The following NEDD4L variants were observed in gnomAD, a reference collection of about 807,000 sequenced individuals.
NEDD4L encodes the protein E3 ubiquitin-protein ligase NEDD4-like.
A neutral mutation model predicts 148.9 loss-of-function variants in NEDD4L; 54 were observed. The ratio of observed to expected loss-of-function variants is 0.36; its 90% confidence interval spans 0.29 to 0.45. NEDD4L has a LOEUF of 0.45. NEDD4L is among the 20% of genes least tolerant of loss of function. The pLI, the probability that NEDD4L is intolerant of heterozygous loss-of-function variation, is 1.00. For synonymous variants in NEDD4L, 433 were observed against 440.7 expected (o/e 0.98, Z 0.22); for missense variants, 856 against 1,233.8 (o/e 0.69, Z 4.59).
chr18:58,395,948 G>T (rs1280653819), intron 30 of NEDD4L, among the ~76,000 whole-genome samples: 4 of 152,086 alleles, frequency 2.6e-5, no homozygotes, highest in Non-Finnish European at 4.4e-5. Flanking sequence ...TATAGCAAAG[G>T]TTTCATGGAC....
chr18:58,203,794 A>T (rs1251592256), intron 2 of NEDD4L, among the ~76,000 whole-genome samples: 1 of 152,104 alleles, frequency 6.6e-6, no homozygotes, highest in Non-Finnish European at 1.5e-5. Context: ...GTCTGAGAAG[A>T]CTAGTGAATC....
Position 58,151,623 on chromosome 18 carries a change from A to ATGTGTGTGTGTGTGTGTG in NEDD4L, c.49-14164_49-14163insGTGTGTGTGTGTGTGTGT, listed in dbSNP as rs1491376739. On this transcript the variant is annotated intron_variant, in intron 1 of 30. Transcript: ENST00000400345. ...GTGAAGATGAGGTAGCTGTGCCTGG[A>ATGTGTGTGTGTGTGTGTG]TATGTGTGTGTGTGTGTGTGTGTGT... Among the ~76,000 whole-genome samples, 58 of 56,654 alleles carry ATGTGTGTGTGTGTGTGTG rather than the reference A, an allele frequency of 1.0e-3. No homozygotes were observed. In the East Asian group the frequency reaches 0.014, roughly 13 times the overall value. The allele number at this position is 56,654 out of a possible 152,430, so 37.2% of individuals were successfully genotyped here. A position where few individuals can be genotyped will look rare whatever the true frequency, so the allele number is the denominator to read the frequency against.
At chr18:58,252,738 TAGAG>T (rs894395299) in intron 5 of NEDD4L, among the ~76,000 whole-genome samples, 1 of 152,178 alleles carries the variant, frequency 6.6e-6, no homozygotes, top group Non-Finnish European at 1.5e-5. Context: ...TAATTTTTTT[TAGAG>T]AGAGGGTCTC....
intron 6 of NEDD4L, among the ~76,000 whole-genome samples, chr18:58,318,993 G>A (rs1396569743): frequency 1.3e-5 from 2 of 152,220 alleles, no homozygotes; most frequent in Admixed American, 6.5e-5. Context: ...CATTTTCAGG[G>A]TGGTGGTATT....
At position 58,130,679 on chromosome 18, in the gene NEDD4L, G is replaced by A. The variant is rs548904693; in HGVS notation, c.49-35109G>A. ...GACTGTGATCTAGCAGAACAGTGGC[G>A]GTGTTGGGCTCTGTTGGGGTTTGGC... On this transcript the variant is annotated intron_variant, in intron 1 of 30. Transcript: ENST00000400345. Among the ~76,000 whole-genome samples the A allele has an allele frequency of 2.6e-3, 335 of 130,062 alleles. 4 individuals are homozygous for A. The highest frequency in any genetic ancestry group is 0.017 in the Admixed American group (228 of 13,042). The allele number at this position is 130,062 out of a possible 152,430, so 85.3% of individuals were successfully genotyped here. A position where few individuals can be genotyped will look rare whatever the true frequency, so the allele number is the denominator to read the frequency against.
chr18:58,377,514 GA>G (rs1379610364), intron 24 of NEDD4L, among the ~76,000 whole-genome samples: 5 of 152,106 alleles, frequency 3.3e-5, no homozygotes, highest in Admixed American at 3.3e-4. Context: ...TGATTGGTAA[GA>G]ATCTGGGGCT....
chr18:58,183,941 G>A (rs993459433), intron 2 of NEDD4L, among the ~76,000 whole-genome samples: 1 of 152,046 alleles, frequency 6.6e-6, no homozygotes, highest in East Asian at 1.9e-4. Context: ...AGGCCAAGGC[G>A]GGCGGATCAT....
At chr18:58,086,362 C>T (rs7240482) in intron 1 of NEDD4L, among the ~76,000 whole-genome samples, 3,338 of 152,226 alleles carry the variant, frequency 0.022, 110 homozygotes, top group African/African-American at 0.076. Context: ...AGTAGTGGTT[C>T]CCTGCAGGGT....
intron 2 of NEDD4L, chr18:58,189,894 A>G (rs1311198408): frequency 6.6e-6 from 1 of 152,114 alleles, no homozygotes; most frequent in Non-Finnish European, 1.5e-5. Context: ...TCATATCTTT[A>G]TTGAATAAGA....
intron 24 of NEDD4L, among the ~76,000 whole-genome samples, chr18:58,378,029 G>A (rs1260438256): frequency 1.3e-5 from 2 of 152,212 alleles, no homozygotes; most frequent in Non-Finnish European, 2.9e-5. Context: ...ACAGGTGTGA[G>A]CCACCGTGCT....
At chr18:58,165,570 ATTAAC>A (rs1187082598) in intron 1 of NEDD4L, 3 of 841,690 alleles carry the variant, frequency 3.6e-6, no homozygotes, top group African/African-American at 3.7e-5. Flanking sequence ...CTTGTGCTTA[ATTAAC>A]TTGGATGTTC....
intron 2 of NEDD4L, among the ~76,000 whole-genome samples, chr18:58,232,850 C>A (rs897716317): frequency 2.6e-5 from 4 of 152,064 alleles, no homozygotes; most frequent in African/African-American, 9.7e-5. Flanking sequence ...AACTTTTGCC[C>A]TTTGGTCTCC....
At chr18:58,313,570 A>C (rs897628173) in intron 5 of NEDD4L, among the ~76,000 whole-genome samples, 1 of 152,212 alleles carries the variant, frequency 6.6e-6, no homozygotes, top group Non-Finnish European at 1.5e-5. Context: ...TATGGCACAC[A>C]GTGTCAGTTA....
chr18:58,390,993 T>C (rs1373599374), intron 29 of NEDD4L, among the ~76,000 whole-genome samples: 2 of 152,146 alleles, frequency 1.3e-5, no homozygotes, highest in East Asian at 1.9e-4. Context: ...TTTTTTTTTT[T>C]TCCTAGTTTA....
At chr18:58,244,035 C>G (rs1466331287) in intron 2 of NEDD4L, among the ~76,000 whole-genome samples, 4 of 152,098 alleles carry the variant, frequency 2.6e-5, no homozygotes, top group Admixed American at 6.6e-5. Context: ...TTGTTACTAC[C>G]AAACTTTTAT....
At chr18:58,165,950 G>A (rs1366491449) in intron 2 of NEDD4L, 89 bp downstream of exon 2, 2 of 1,029,094 alleles carry the variant, frequency 1.9e-6, no homozygotes, top group East Asian at 5.2e-5. Flanking sequence ...TCACCTGGAG[G>A]ACTTCTTAAG....
At position 58,099,861 on chromosome 18, in the gene NEDD4L, G is replaced by T. The variant is rs1395297625; in HGVS notation, c.48+55153G>T. Among the ~76,000 whole-genome samples, 3 of 152,124 alleles carry T rather than the reference G, an allele frequency of 2.0e-5. No individual in the cohort carries two copies. In the East Asian group the frequency reaches 5.8e-4, roughly 29 times the overall value. ...GACACAATATAGGAAAACTCTTCAA[G>T]GAAAACCAGCCCCAAATAAGAGAGT... On this transcript the variant is annotated intron_variant, in intron 1 of 30. Coordinates refer to ENST00000400345, the MANE Select transcript of NEDD4L (RefSeq NM_001144967.3).
intron 6 of NEDD4L, among the ~76,000 whole-genome samples, chr18:58,317,892 A>G (rs4941388): frequency 0.54 from 81,534 of 152,028 alleles, 22,645 homozygotes; most frequent in African/African-American, 0.69. Flanking sequence ...CTAGCTGTTC[A>G]CAGCCAACTA....
At chr18:58,291,709 C>T (rs1399088846) in intron 5 of NEDD4L, among the ~76,000 whole-genome samples, 1 of 152,132 alleles carries the variant, frequency 6.6e-6, no homozygotes, top group African/African-American at 2.4e-5. Flanking sequence ...GACTGATACA[C>T]AATTAGATGA....
Sources: allele counts gnomAD v4.1 joint callset (sites outside exome capture counted in the v4.1 genomes callset), GRCh38; gene constraint gnomAD v4.1.1; transcripts MANE v1.5; gene names NCBI Gene and HGNC (gene_info 2026-07-23, HGNC 2026-07-21).